Variants in RACK1 observed in about 807,000 individuals in gnomAD.
RACK1 encodes the protein receptor for activated C kinase 1.
Under a neutral mutation model 42.2 loss-of-function variants are expected in RACK1, and 3 were observed. That is an observed-to-expected ratio of 0.07 (90% CI 0.03 to 0.18). RACK1 has a LOEUF of 0.18. RACK1 is among the 10% of genes least tolerant of loss of function. The pLI, the probability that RACK1 is intolerant of heterozygous loss-of-function variation, is 1.00. For synonymous variants in RACK1, 181 were observed against 154.8 expected (o/e 1.17, Z -1.25); for missense variants, 146 against 403.2 (o/e 0.36, Z 5.46).
rs1759267395 is a variant in RACK1 at position 181,239,663 on chromosome 5, G to A, written c.430-81C>T. ...ACCTCCCAGCCCTACCCCTCAGTAG[G>A]ATGATGGCTGGCAGCACCTTTCAAA... On this transcript the variant is annotated intron_variant, in intron 3 of 7. Transcript: ENST00000512805. 6 of 834,294 alleles carry A rather than the reference G, an allele frequency of 7.2e-6. No individual in the cohort carries two copies. In the East Asian group the frequency reaches 1.2e-4, roughly 17 times the overall value. 51.7% of individuals were successfully genotyped at this position (834,294 alleles called of 1,614,324 possible). A position where few individuals can be genotyped will look rare whatever the true frequency, so the allele number is the denominator to read the frequency against.
Position 181,242,299 on chromosome 5 carries a change from A to G in RACK1, c.156T>C (p.Tyr52=). The G allele has an allele frequency of 6.2e-7, 1 of 1,614,032 alleles. No homozygotes were observed. The highest frequency in any genetic ancestry group is 1.1e-5 in the South Asian group (1 of 91,076). The part of the protein sequence containing the change: ...MWKLTRDETN[Y]GIPQRALRGH... ...CCCGCAGAGCACGCTGTGGAATTCCATAGTTGGTCTCATCCCTGGTCAGTT... is the reference window on the plus strand; with the variant it reads ...CCCGCAGAGCACGCTGTGGAATTCCGTAGTTGGTCTCATCCCTGGTCAGTT... Residue 52 remains tyrosine (Y), a synonymous_variant, in exon 2 of 8, where the codon TAT becomes TAC. Transcript: ENST00000512805.
rs57063983 is a variant in RACK1 at position 181,241,426 on chromosome 5, C to CAAAAAAAAAAAAAA, written c.429+52_429+65dup. 146 of 1,074,404 alleles carry CAAAAAAAAAAAAAA rather than the reference C, an allele frequency of 1.4e-4. 1 individual carries two copies. Among genetic ancestry groups the CAAAAAAAAAAAAAA allele is most frequent in the East Asian group, 5.3e-4 (18 of 34,036 alleles). 66.6% of individuals were successfully genotyped at this position (1,074,404 alleles called of 1,614,324 possible). Reference sequence around the variant, plus strand: ...GCTTGGGCAAGAGTGAGACTGTCGCCAAAAAAAAAAAAAAAAAGCAAAGTT... The same window carrying CAAAAAAAAAAAAAA: ...GCTTGGGCAAGAGTGAGACTGTCGCCAAAAAAAAAAAAAAAAAAAAAAAAAAAAAAAGCAAAGTT... On this transcript the variant is annotated intron_variant, in intron 3 of 7. Coordinates refer to ENST00000512805, the MANE Select transcript of RACK1 (RefSeq NM_006098.5).
In RACK1 at chr5:181,237,045, G is replaced by A. The variant is rs1442688026; in HGVS notation, c.889-3C>T. On this transcript the variant is annotated splice_polypyrimidine_tract_variant and splice_region_variant and intron_variant, in intron 7 of 7. Coordinates refer to ENST00000512805, the MANE Select transcript of RACK1 (RefSeq NM_006098.5). ...TCCGTGTAGCCAGCAAACAGAGTCT[G>A]CAGGGAAGAAATGACAGTGACAGGT... is the stretch of plus-strand genomic sequence containing the variant. 5.6e-6 allele frequency: 9 copies of A among 1,613,794 alleles called. No homozygotes were observed. Among genetic ancestry groups the A allele is most frequent in the Middle Eastern group, 1.7e-4 (1 of 6,058 alleles).
At position 181,238,189 on chromosome 5, in the gene RACK1, C is replaced by G. The variant is rs1286465035; in HGVS notation, c.687G>C (p.Thr229=). 3.1e-6 allele frequency: 5 copies of G among 1,613,878 alleles called. No homozygotes were observed. The highest frequency in any genetic ancestry group is 3.4e-6 in the Non-Finnish European group (4 of 1,179,976). Residue 229 remains threonine (T), a synonymous_variant, in exon 6 of 8, where the codon ACG becomes ACC. Coordinates refer to ENST00000512805, the MANE Select transcript of RACK1 (RefSeq NM_006098.5). ...CGTTGATGATGTCCCCACCATCTAG[C>G]GTGTAAAGGTGTTTGCCTTCGTTGA... The part of the protein sequence containing the change: ...WDLNEGKHLY[T]LDGGDIINAL...
At chr5:181,238,396 A>G (rs776184981) in intron 5 of RACK1, 157 bp from the exon 6 acceptor site, 6 of 705,928 alleles carry the variant, frequency 8.5e-6, no homozygotes, top group South Asian at 1.9e-5. Context: ...ATCTCTGTAT[A>G]CCTTTCCTTT....
chr5:181,243,330 TG>T (rs765258460), intron 1 of RACK1: 1 of 1,367,046 alleles, frequency 7.3e-7, no homozygotes, highest in East Asian at 4.3e-5. Context: ...AAACAGCCTC[TG>T]GATTTCAGCA....
chr5:181,239,233 AGGCCC>A, intron 4 of RACK1, 56 bp from the exon 5 acceptor site: 1 of 1,190,764 alleles, frequency 8.4e-7, no homozygotes, highest in Non-Finnish European at 1.3e-6. Context: ...AGCTAGGGTC[AGGCCC>A]AACAAAAAAG....
chr5:181,241,681 T>A (rs1299698125), intron 2 of RACK1, 42 bp from the exon 3 acceptor site: 2 of 1,604,080 alleles, frequency 1.2e-6, no homozygotes. Flanking sequence ...TAGCAAACAC[T>A]CTCATTCAAC....
Position 181,237,559 on chromosome 5 carries a change from G to A in RACK1, c.888+50C>T, listed in dbSNP as rs779113217. On this transcript the variant is annotated intron_variant, in intron 7 of 7. Transcript: ENST00000512805. ...ACTAGATATACTAACAGAATGAGAG[G>A]GAGAAAATTAACTGGAAGCAGAATC... 1.8e-5 allele frequency: 17 copies of A among 941,068 alleles called. No individual in the cohort carries two copies. In the East Asian group the frequency reaches 2.4e-4, roughly 13 times the overall value. The allele number at this position is 941,068 out of a possible 1,614,324, so 58.3% of individuals were successfully genotyped here. A position where few individuals can be genotyped will look rare whatever the true frequency, so the allele number is the denominator to read the frequency against.
rs878879275 is a variant in RACK1 at position 181,237,985 on chromosome 5, G to A, written c.777+114C>T. 1.2e-5 allele frequency: 13 copies of A among 1,117,980 alleles called. No homozygotes were observed. The South Asian group carries it at 1.8e-4, about 15-fold the overall frequency. The allele number at this position is 1,117,980 out of a possible 1,614,324, so 69.3% of individuals were successfully genotyped here. ...ACTCAGACCAAAATGTCATTACGTGGAGGCTGAGAAAGCTTAGCTCCCAGG... is the reference window on the plus strand; with the variant it reads ...ACTCAGACCAAAATGTCATTACGTGAAGGCTGAGAAAGCTTAGCTCCCAGG... On this transcript the variant is annotated intron_variant, in intron 6 of 7. Transcript: ENST00000512805.
chr5:181,238,263 G>T (rs1011725751), intron 5 of RACK1, 24 bp from the exon 6 acceptor site: 1 of 1,612,606 alleles, frequency 6.2e-7, no homozygotes, highest in South Asian at 1.1e-5. Flanking sequence ...AGGTAAATCA[G>T]GACACTGTGA....
chr5:181,236,941 GTTTTT>G lies in RACK1; in HGVS notation c.*31_*35del, dbSNP rs11445317. 4.4e-6 allele frequency: 6 copies of G among 1,371,470 alleles called. No homozygotes were observed. The highest frequency in any genetic ancestry group is 1.5e-5 in the African/African-American group (1 of 68,922). 85.0% of individuals were successfully genotyped at this position (1,371,470 alleles called of 1,614,324 possible). On this transcript the variant is annotated 3_prime_UTR_variant, in exon 8 of 8. Transcript: ENST00000512805. The stretch of plus-strand genomic sequence containing the variant: ...AAAAACCTAAAAGTCAGAAAAGCCA[GTTTTT>G]TTTTTATTTGTAAAGCTCTGCCATA...
intron 7 of RACK1, chr5:181,237,273 A>AC: frequency 1.2e-6 from 1 of 805,344 alleles, no homozygotes; most frequent in South Asian, 1.5e-5. Context: ...ACTGTAAGAA[A>AC]CCGCTCTCAT....
At position 181,243,409 on chromosome 5, in the gene RACK1, CGAA is replaced by C. The variant is rs2113221345; in HGVS notation, c.109+280_109+282del. 2.1e-6 allele frequency: 3 copies of C among 1,458,304 alleles called. No individual in the cohort carries two copies. In the South Asian group the frequency reaches 3.4e-5, roughly 17 times the overall value. 90.3% of individuals were successfully genotyped at this position (1,458,304 alleles called of 1,614,324 possible). On this transcript the variant is annotated intron_variant, in intron 1 of 7. Transcript: ENST00000512805. ...GGCCCGTAGGCCCCCGGCCACACTA[CGAA>C]GGAGAAGGCAAAAGATATTTTAAAA...
At chr5:181,242,575 TGAGATGGA>T in intron 1 of RACK1, 1 of 595,262 alleles carries the variant, frequency 1.7e-6, no homozygotes, top group Non-Finnish European at 3.2e-6. Flanking sequence ...TTTTTTTTCT[TGAGATGGA>T]GTCTCGCTCT....
intron 1 of RACK1, 147 bp downstream of exon 1, chr5:181,243,545 C>T: frequency 7.2e-7 from 1 of 1,398,486 alleles, no homozygotes; most frequent in South Asian, 1.4e-5. Flanking sequence ...TCCGCACGCC[C>T]CAATTCACAA....
In RACK1 at chr5:181,239,175, T is replaced by C. The variant is rs1759250744; in HGVS notation, c.528A>G (p.Val176=). Residue 176 remains valine, a splice_region_variant and synonymous_variant, in exon 5 of 8, where the codon GTA becomes GTG. Transcript: ENST00000512805. ...VSCGWDKLVK[V]WNLANCKLKT... The stretch of plus-strand genomic sequence containing the variant: ...TCAGCTTGCAGTTAGCCAGGTTCCA[T>C]ACCTGCATAGACGTGCGGTTGACAG... 1.9e-6 allele frequency: 3 copies of C among 1,603,060 alleles called. No individual in the cohort carries two copies. Among genetic ancestry groups the C allele is most frequent in the Non-Finnish European group, 2.6e-6 (3 of 1,169,910 alleles).
intron 3 of RACK1, 90 bp downstream of exon 3, chr5:181,241,402 C>G: frequency 1.7e-6 from 2 of 1,201,542 alleles, no homozygotes; most frequent in Non-Finnish European, 2.3e-6. Context: ...TGCACTCCAG[C>G]TTGGGCAAGA....
intron 1 of RACK1, chr5:181,243,347 A>T (rs1561681816): frequency 7.3e-7 from 1 of 1,376,314 alleles, no homozygotes; most frequent in East Asian, 4.2e-5. Flanking sequence ...CAGCACCGAC[A>T]CTCAGATGGC....
Sources: gnomAD v4.1 joint callset for allele counts on GRCh38, gnomAD v4.1.1 for gene constraint, MANE v1.5 for transcripts, NCBI Gene and HGNC (gene_info 2026-07-23, HGNC 2026-07-21) for gene names.